Variants in NHSL1 observed in about 807,000 individuals in gnomAD.
NHSL1 encodes NHS-like protein 1.
A neutral mutation model predicts 95.0 loss-of-function variants in NHSL1; 48 were observed. The ratio of observed to expected loss-of-function variants is 0.51; its 90% CI spans 0.40 to 0.64. NHSL1 has a LOEUF of 0.64. NHSL1 is among the 30% of genes least tolerant of loss of function. The probability of loss-of-function intolerance (pLI) is 0.00; values close to 1 mark genes in which losing one functional copy is unlikely to be tolerated. For missense variants in NHSL1, 1,971 were observed against 2,077.7 expected (o/e 0.95, Z 1.00); for synonymous variants, 783 against 833.9 (o/e 0.94, Z 1.05).
At chr6:138,579,568 G>C (rs1239011265) in intron 1 of NHSL1, among the ~76,000 whole-genome samples, 1 of 152,178 alleles carries the variant, frequency 6.6e-6, no homozygotes, top group East Asian at 1.9e-4. Flanking sequence ...CATCTTCACT[G>C]CTTCCATCCA....
intron 1 of NHSL1, among the ~76,000 whole-genome samples, chr6:138,668,193 A>G (rs1022923220): frequency 1.8e-4 from 27 of 152,294 alleles, no homozygotes; most frequent in African/African-American, 6.0e-4. Flanking sequence ...CACGCCTGCA[A>G]TCCCAGCAGT....
Position 138,692,537 on chromosome 6 carries a change from G to A in NHSL1, c.36C>T (p.His12=), listed in dbSNP as rs1185727530. 1 of 204,988 alleles carries A rather than the reference G, an allele frequency of 4.9e-6. No homozygotes were observed. Among genetic ancestry groups the A allele is most frequent in the Non-Finnish European group, 9.7e-6 (1 of 102,738 alleles). The allele number at this position is 204,988 out of a possible 1,614,324, so 12.7% of individuals were successfully genotyped here. Residue 12 remains histidine, a synonymous_variant, in exon 1 of 4, where the codon CAC becomes CAT. Transcript: ENST00000491526. The surrounding 1 kb of genome is among the most constrained non-coding windows in gnomAD (Gnocchi z 4.0). ...CGGCTTGCAGGGCGTCGAGGCGGCG[G>A]TGCAGCGCGGCGGTGCGGTGGCCCA... is the stretch of plus-strand genomic sequence containing the variant.
At chr6:138,534,225 T>C (rs902997782) in intron 1 of NHSL1, among the ~76,000 whole-genome samples, 2 of 152,206 alleles carry the variant, frequency 1.3e-5, no homozygotes, top group African/African-American at 4.8e-5. Flanking sequence ...CTAGATTAAA[T>C]ATTAATATTT....
intron 1 of NHSL1, among the ~76,000 whole-genome samples, chr6:138,624,256 A>C (rs562812472): frequency 6.6e-6 from 1 of 152,290 alleles, no homozygotes; most frequent in African/African-American, 2.4e-5. Context: ...ATCCTAATTC[A>C]GTAGGTCTAG....
At chr6:138,472,114 G>A (rs1424106900) in intron 3 of NHSL1, among the ~76,000 whole-genome samples, 1 of 151,076 alleles carries the variant, frequency 6.6e-6, no homozygotes, top group Admixed American at 6.6e-5. Flanking sequence ...CCTGGGAGAT[G>A]GAGTTTGCAG....
rs545432366 is a variant in NHSL1 at position 138,558,463 on chromosome 6, G to A, written c.202+13247C>T. On this transcript the variant is annotated intron_variant, in intron 1 of 6. Coordinates refer to the NHSL1 transcript ENST00000427025. ...CCCTGAGACAGAGTCTCACTCTGTC[G>A]CCCAGGCTGGAGTGCAGTGGCACAA... 2.4e-4 allele frequency among the ~76,000 whole-genome samples: 31 copies of A among 128,786 alleles called. No individual in the cohort carries two copies. In the South Asian group the frequency reaches 6.6e-3, roughly 27 times the overall value. The allele number at this position is 128,786 out of a possible 152,430, so 84.5% of individuals were successfully genotyped here.
At chr6:138,534,808 G>T (rs1230875778) in intron 1 of NHSL1, among the ~76,000 whole-genome samples, 2 of 152,172 alleles carry the variant, frequency 1.3e-5, no homozygotes, top group South Asian at 4.1e-4. Flanking sequence ...AGGAAAAGAT[G>T]GAGGGGTCTC....
intron 1 of NHSL1, among the ~76,000 whole-genome samples, chr6:138,579,656 C>T (rs193283539): frequency 6.6e-6 from 1 of 152,330 alleles, no homozygotes; most frequent in East Asian, 1.9e-4. Flanking sequence ...AGCCTACATT[C>T]TACCTGATAA....
intron 1 of NHSL1, among the ~76,000 whole-genome samples, chr6:138,623,656 T>C (rs1167123273): frequency 6.6e-6 from 1 of 152,228 alleles, no homozygotes; most frequent in Non-Finnish European, 1.5e-5. Context: ...TCCTTTGACC[T>C]ACATCTCCTC....
chr6:138,547,547 A>G (rs1283052867), upstream of NHSL1, among the ~76,000 whole-genome samples: 2 of 152,180 alleles, frequency 1.3e-5, no homozygotes, highest in East Asian at 3.9e-4. Context: ...GGCCCGGCTA[A>G]TGTTTTTTTG....
intron 1 of NHSL1, among the ~76,000 whole-genome samples, chr6:138,614,584 C>T (rs551990056): frequency 6.6e-6 from 1 of 152,272 alleles, no homozygotes; most frequent in African/African-American, 2.4e-5. Context: ...AGCTACTACC[C>T]ATATTCCCAT....
intron 1 of NHSL1, among the ~76,000 whole-genome samples, chr6:138,636,007 C>T (rs1374313688): frequency 6.8e-6 from 1 of 147,700 alleles, no homozygotes; most frequent in Non-Finnish European, 1.5e-5. Context: ...CCTGTAATTC[C>T]AGCTACTCAG....
intron 1 of NHSL1, among the ~76,000 whole-genome samples, chr6:138,652,380 C>T (rs920053100): frequency 6.7e-6 from 1 of 148,368 alleles, no homozygotes; most frequent in Non-Finnish European, 1.5e-5. Flanking sequence ...GCAGAGGTTG[C>T]GGTGAGCTGA....
At chr6:138,467,178 G>A (rs1462706718) in intron 3 of NHSL1, among the ~76,000 whole-genome samples, 2 of 150,698 alleles carry the variant, frequency 1.3e-5, no homozygotes, top group Non-Finnish European at 1.5e-5. Flanking sequence ...TTTTTGAGAC[G>A]GAATCTCGCT....
At chr6:138,447,547 G>A (rs536336308) in intron 3 of NHSL1, among the ~76,000 whole-genome samples, 89 of 152,272 alleles carry the variant, frequency 5.8e-4, no homozygotes, top group African/African-American at 2.0e-3. Flanking sequence ...GCTGAGGTGG[G>A]TGGATCACTT....
In NHSL1 at chr6:138,431,246, G is replaced by GTAGA; in HGVS notation, c.3098_3099insTCTA (p.Thr1034LeufsTer56). 1 of 1,514,540 alleles carries GTAGA rather than the reference G, an allele frequency of 6.6e-7. No homozygotes were observed. The highest frequency in any genetic ancestry group is 2.5e-5 in the East Asian group (1 of 40,544). 93.8% of individuals were successfully genotyped at this position (1,514,540 alleles called of 1,614,324 possible). A position where few individuals can be genotyped will look rare whatever the true frequency, so the allele number is the denominator to read the frequency against. On this transcript the variant is annotated frameshift_variant, in exon 6 of 8. Transcript: ENST00000343505. LOFTEE classifies it high-confidence loss of function. This position sits in a 1 kb window ranked among gnomAD's most constrained non-coding sequence, Gnocchi z 4.0. ...CAGAATTTGTGAAAGGCGGCCTGGT[G>GTAGA]TCTTTCATGAATTTGGGGTCAAGAG... is the stretch of plus-strand genomic sequence containing the variant.
chr6:138,452,864 G>A (rs552001279), intron 3 of NHSL1, among the ~76,000 whole-genome samples: 1 of 152,196 alleles, frequency 6.6e-6, no homozygotes, highest in East Asian at 1.9e-4. Context: ...AAAAGTGGGG[G>A]TAGTGGAAAT....
chr6:138,635,724 A>T (rs1345689381), intron 1 of NHSL1, among the ~76,000 whole-genome samples: 1 of 152,166 alleles, frequency 6.6e-6, no homozygotes. Context: ...ACATCAAAAC[A>T]AAAACAAAAA....
Position 138,615,869 on chromosome 6 carries a change from T to C in NHSL1, c.96+76607A>G, listed in dbSNP as rs554837632. Among the ~76,000 whole-genome samples, 19 of 152,246 alleles carry C rather than the reference T, an allele frequency of 1.2e-4. No homozygotes were observed. The South Asian group carries it at 3.9e-3, about 32-fold the overall frequency. ...GGGGCAATGCCCAAGTTTACATCAA[T>C]ACCTGTGACTCCTGGTTATAACTGT... On this transcript the variant is annotated intron_variant, in intron 1 of 3. Coordinates refer to the NHSL1 transcript ENST00000491526.
Sources: gnomAD v4.1 joint callset for allele counts (sites outside exome capture counted in the v4.1 genomes callset) on GRCh38, gnomAD v4.1.1 for gene constraint, Gnocchi (gnomAD v3.1) non-coding constraint, MANE v1.5 for transcripts, NCBI Gene and HGNC (gene_info 2026-07-23, HGNC 2026-07-21) for gene names.